The following ATXN3 variants were observed in gnomAD, a reference collection of about 807,000 sequenced individuals.
ATXN3 encodes ataxin-3.
Under a neutral mutation model 58.2 loss-of-function variants are expected in ATXN3, and 28 were observed. The ratio of observed to expected loss-of-function variants is 0.48; its 90% CI spans 0.36 to 0.66. The LOEUF (loss-of-function observed/expected upper bound fraction) is 0.66, where lower values mean the gene tolerates loss of function less well. Among genes scored for constraint, ATXN3 ranks in the 30% least tolerant of loss-of-function variants. ATXN3 has a pLI of 0.00. For missense variants in ATXN3, 321 were observed against 422.1 expected, an observed-to-expected ratio of 0.76 and a Z score of 2.10; for synonymous variants, 113 against 138.5, an observed-to-expected ratio of 0.82 and a Z score of 1.29.
intron 10 of ATXN3, 56 bp downstream of exon 10, chr14:92,070,879 G>T (rs7158733): frequency 0.26 from 422,551 of 1,612,996 alleles, 57,916 homozygotes; most frequent in East Asian, 0.46. Flanking sequence ...CATGGAGCTC[G>T]TATGTCAGAT....
intron 4 of ATXN3, 74 bp from the exon 5 acceptor site, chr14:92,093,392 A>T: frequency 2.6e-6 from 2 of 763,974 alleles, no homozygotes; most frequent in Non-Finnish European, 2.1e-6. Flanking sequence ...CAAATATTAT[A>T]TAAAATTTGT....
chr14:92,103,606 C>CT lies in ATXN3; in HGVS notation c.24+2922dup, dbSNP rs145772139. The stretch of plus-strand genomic sequence containing the variant: ...ACACGCCCAGCTAATTTTGTTCATT[C>CT]TTGTAGAGACAGGTCTCACCACGCC... On this transcript the variant is annotated intron_variant, in intron 1 of 10. Transcript: ENST00000644486. 4.3e-3 allele frequency among the ~76,000 whole-genome samples: 649 copies of CT among 152,222 alleles called. 3 individuals are homozygous for CT. The highest frequency in any genetic ancestry group is 0.015 in the African/African-American group (605 of 41,538).
chr14:92,049,207 C>T (rs544437397), intron 1 of ATXN3, among the ~76,000 whole-genome samples: 6 of 152,090 alleles, frequency 3.9e-5, no homozygotes, highest in Non-Finnish European at 5.9e-5. Flanking sequence ...GAATGGAGGA[C>T]GGAATGTTGC....
intron 1 of ATXN3, 74 bp downstream of exon 1, chr14:92,106,455 C>A: frequency 1.9e-6 from 3 of 1,598,692 alleles, no homozygotes; most frequent in Non-Finnish European, 2.6e-6. Flanking sequence ...CCCAGCCCTC[C>A]GAGAGGCGGT....
At chr14:92,093,895 G>T in intron 3 of ATXN3, 64 bp from the exon 4 acceptor site, 1 of 999,272 alleles carries the variant, frequency 1.0e-6, no homozygotes, top group Non-Finnish European at 1.6e-6. Flanking sequence ...AGGAAGTGTA[G>T]CTATGTTAGT....
At chr14:92,067,836 C>A (rs2058712806) in intron 10 of ATXN3, among the ~76,000 whole-genome samples, 1 of 152,204 alleles carries the variant, frequency 6.6e-6, no homozygotes, top group African/African-American at 2.4e-5. Flanking sequence ...TCGCTACAAC[C>A]AGAGGGGAGT....
chr14:92,045,279 C>G (rs2057421867), intron 2 of ATXN3, among the ~76,000 whole-genome samples: 2 of 152,088 alleles, frequency 1.3e-5, no homozygotes, highest in Non-Finnish European at 2.9e-5. Flanking sequence ...GAAGGTTCCA[C>G]TGAATACCAA....
Position 92,092,177 on chromosome 14 carries a change from G to T in ATXN3, c.387+1075C>A, listed in dbSNP as rs377240305. ...CAATCTGCTTTCCATCACTACAGAT[G>T]AATCTGCACTTTTCTAGACTTTTAA... On this transcript the variant is annotated intron_variant, in intron 5 of 10. Coordinates refer to ENST00000644486, the MANE Select transcript of ATXN3 (RefSeq NM_004993.6). Among the ~76,000 whole-genome samples, 78 of 152,224 alleles carry T rather than the reference G, an allele frequency of 5.1e-4. 1 individual carries two copies. Among genetic ancestry groups the T allele is most frequent in the African/African-American group, 1.7e-3 (69 of 41,544 alleles).
chr14:92,050,997 A>G (rs2057446013), upstream of ATXN3, among the ~76,000 whole-genome samples: 2 of 152,362 alleles, frequency 1.3e-5, no homozygotes, highest in South Asian at 4.1e-4. Flanking sequence ...TAGACTTTAA[A>G]ATTTAGTCTG....
intron 2 of ATXN3, among the ~76,000 whole-genome samples, chr14:92,047,630 C>T (rs919905123): frequency 6.6e-6 from 1 of 152,196 alleles, no homozygotes; most frequent in African/African-American, 2.4e-5. Context: ...TGAGATGTGG[C>T]TGTAGTCCAG....
chr14:92,093,942 A>AG, intron 3 of ATXN3, 111 bp from the exon 4 acceptor site: 1 of 525,234 alleles, frequency 1.9e-6, no homozygotes, highest in South Asian at 2.2e-5. Context: ...AGAAGGCTAT[A>AG]GGTTTTTTTT....
At chr14:92,104,783 C>A (rs1376190358) in intron 1 of ATXN3, among the ~76,000 whole-genome samples, 1 of 151,808 alleles carries the variant, frequency 6.6e-6, no homozygotes, top group Admixed American at 6.6e-5. Context: ...ATTAGCTGGG[C>A]GTGGTGGCGG....
intron 7 of ATXN3, among the ~76,000 whole-genome samples, 183 bp from the exon 8 acceptor site, chr14:92,082,649 C>CTTTTTT (rs34366039): frequency 7.5e-6 from 1 of 132,912 alleles, no homozygotes; most frequent in Non-Finnish European, 1.6e-5. Context: ...TTTTCCGTTT[C>CTTTTTT]TTTTTTTTTT....
chr14:92,055,693 GCTCATGCCTGTCATC>G (rs540631215), downstream of ATXN3, among the ~76,000 whole-genome samples: 2 of 152,320 alleles, frequency 1.3e-5, no homozygotes, highest in East Asian at 3.9e-4. The surrounding 1 kb of genome is among the most constrained non-coding windows in gnomAD (Gnocchi z 4.5). Context: ...AGGTTAGGTG[GCTCATGCCTGTCATC>G]CCAGAACTTT....
chr14:92,086,321 A>AGG (rs35014837), intron 6 of ATXN3, among the ~76,000 whole-genome samples: 1 of 149,522 alleles, frequency 6.7e-6, no homozygotes, highest in East Asian at 2.0e-4. Flanking sequence ...CCAGCACTTT[A>AGG]GGGGGCCGAG....
intron 10 of ATXN3, among the ~76,000 whole-genome samples, chr14:92,064,998 T>C (rs2058122554): frequency 6.6e-6 from 1 of 152,256 alleles, no homozygotes; most frequent in African/African-American, 2.4e-5. Flanking sequence ...TATGTAGTTC[T>C]ACATGGCATT....
intron 1 of ATXN3, among the ~76,000 whole-genome samples, chr14:92,101,501 C>T (rs1435898575): frequency 6.6e-6 from 1 of 152,196 alleles, no homozygotes; most frequent in South Asian, 2.1e-4. Context: ...AGCCACCTCT[C>T]TCATCAAGCT....
chr14:92,080,829 C>A, intron 9 of ATXN3, 136 bp downstream of exon 9: 1 of 779,462 alleles, frequency 1.3e-6, no homozygotes, highest in South Asian at 1.5e-5. Context: ...AGCCACCGTG[C>A]CCGTCCTATT....
chr14:92,055,887 G>C (rs537034807), downstream of ATXN3, among the ~76,000 whole-genome samples: 158 of 152,186 alleles, frequency 1.0e-3, 1 homozygote, highest in Non-Finnish European at 1.8e-3. The surrounding 1 kb of genome is among the most constrained non-coding windows in gnomAD (Gnocchi z 4.5). Context: ...CTTGAGCCCA[G>C]GAGGCAGAGG....
Sources: allele counts gnomAD v4.1 joint callset (sites outside exome capture counted in the v4.1 genomes callset), GRCh38; gene constraint gnomAD v4.1.1; non-coding constraint Gnocchi (gnomAD v3.1); transcripts MANE v1.5; gene names NCBI Gene and HGNC (gene_info 2026-07-23, HGNC 2026-07-21).